IQSEC1: variants seen among roughly 807,000 people sequenced by gnomAD.
IQSEC1 encodes the protein IQ motif and SEC7 domain-containing protein 1.
IQSEC1 carries 31 observed loss-of-function variants against 91.0 expected under a neutral mutation model. That is an observed-to-expected ratio of 0.34 (90% CI 0.26 to 0.46). The LOEUF (loss-of-function observed/expected upper bound fraction) is 0.46. IQSEC1 is among the 20% of genes least tolerant of loss of function. The pLI is 1.00. For missense variants in IQSEC1, 1,388 were observed against 1,575.6 expected (o/e 0.88, Z 2.02); for synonymous variants, 699 against 662.6 (o/e 1.05, Z -0.84).
chr3:13,268,763 G>A (rs1056239250), intron 1 of IQSEC1, among the ~76,000 whole-genome samples: 13 of 152,182 alleles, frequency 8.5e-5, no homozygotes, highest in Admixed American at 1.3e-4. Context: ...TGTAACAATC[G>A]TCGATTCATT....
At chr3:13,177,260 G>A (rs921365969) in intron 1 of IQSEC1, among the ~76,000 whole-genome samples, 2 of 152,224 alleles carry the variant, frequency 1.3e-5, no homozygotes, top group African/African-American at 2.4e-5. Flanking sequence ...CCCTGACAAG[G>A]AAGGAGCTCT....
chr3:13,160,279 G>A (rs867230228), intron 2 of IQSEC1, among the ~76,000 whole-genome samples: 3 of 152,120 alleles, frequency 2.0e-5, no homozygotes, highest in Admixed American at 1.3e-4. Context: ...TTGGGGCAGG[G>A]CAAGAGCTGG....
At chr3:12,958,556 G>A (rs868361668) in intron 1 of IQSEC1, among the ~76,000 whole-genome samples, 1 of 152,244 alleles carries the variant, frequency 6.6e-6, no homozygotes, top group Non-Finnish European at 1.5e-5. Flanking sequence ...CACGATTTAA[G>A]ACTGTTATCA....
chr3:13,179,626 C>G (rs1367082106), intron 1 of IQSEC1, among the ~76,000 whole-genome samples: 1 of 152,278 alleles, frequency 6.6e-6, no homozygotes, highest in African/African-American at 2.4e-5. Flanking sequence ...CTCTCGGCGC[C>G]TCCTCTGCCT....
At chr3:13,085,283 A>T (rs1705716587) in intron 2 of IQSEC1, among the ~76,000 whole-genome samples, 1 of 152,070 alleles carries the variant, frequency 6.6e-6, no homozygotes, top group South Asian at 2.1e-4. Flanking sequence ...AGCAAGGGTG[A>T]TGTTAGGAGG....
chr3:13,056,955 C>T (rs1388528130), intron 1 of IQSEC1, among the ~76,000 whole-genome samples: 2 of 152,198 alleles, frequency 1.3e-5, no homozygotes, highest in South Asian at 2.1e-4. Context: ...ATACCTGTAA[C>T]GCATACATGT....
At chr3:12,930,692 G>A (rs1697592556) in intron 3 of IQSEC1, among the ~76,000 whole-genome samples, 1 of 152,190 alleles carries the variant, frequency 6.6e-6, no homozygotes, top group Non-Finnish European at 1.5e-5. Context: ...GGACTTTTCA[G>A]GTCCGTGAAC....
At chr3:13,011,740 C>T (rs750963594) in intron 1 of IQSEC1, among the ~76,000 whole-genome samples, 11 of 152,210 alleles carry the variant, frequency 7.2e-5, no homozygotes, top group Non-Finnish European at 1.5e-4. Flanking sequence ...CTGTAGGCAT[C>T]GGGTTTCAGA....
chr3:13,115,168 T>C (rs1706314975), intron 2 of IQSEC1, among the ~76,000 whole-genome samples: 1 of 152,166 alleles, frequency 6.6e-6, no homozygotes, highest in African/African-American at 2.4e-5. Context: ...GAGTGAGCAA[T>C]GTAACGCCCA....
intron 1 of IQSEC1, among the ~76,000 whole-genome samples, chr3:13,005,422 C>A (rs1054050878): frequency 3.3e-5 from 5 of 152,210 alleles, no homozygotes; most frequent in African/African-American, 9.6e-5. Context: ...CTGCCCCCAG[C>A]AGACCAGCAG....
intron 2 of IQSEC1, among the ~76,000 whole-genome samples, chr3:13,102,361 G>T (rs1706080212): frequency 6.6e-6 from 1 of 152,148 alleles, no homozygotes; most frequent in Non-Finnish European, 1.5e-5. Context: ...ACTGGGATGG[G>T]CTGGGGAGCG....
intron 1 of IQSEC1, among the ~76,000 whole-genome samples, chr3:13,276,077 A>ATTT (rs1406168404): frequency 2.4e-3 from 203 of 85,400 alleles, no homozygotes; most frequent in East Asian, 5.3e-3. Context: ...CCTCAAAAGC[A>ATTT]TTCTTTTTTT....
intron 2 of IQSEC1, among the ~76,000 whole-genome samples, chr3:13,130,322 C>G (rs1211698241): frequency 8.0e-6 from 1 of 124,918 alleles, no homozygotes; most frequent in African/African-American, 3.2e-5. Flanking sequence ...GCAGCCTGGG[C>G]GACAGAACGA....
intron 1 of IQSEC1, among the ~76,000 whole-genome samples, chr3:13,280,306 G>A (rs1046126890): frequency 2.0e-5 from 3 of 152,184 alleles, no homozygotes; most frequent in African/African-American, 2.4e-5. Flanking sequence ...CATACAGCAG[G>A]TGCTTAATAA....
intron 2 of IQSEC1, among the ~76,000 whole-genome samples, chr3:13,151,927 CTG>C (rs1193102762): frequency 9.2e-5 from 14 of 152,276 alleles, no homozygotes; most frequent in African/African-American, 3.4e-4. Context: ...GATCGAGTCA[CTG>C]TACTCCAGGC....
At chr3:13,218,457 A>T (rs1694590986) in intron 1 of IQSEC1, among the ~76,000 whole-genome samples, 1 of 152,240 alleles carries the variant, frequency 6.6e-6, no homozygotes, top group Non-Finnish European at 1.5e-5. Context: ...CGAACCATTC[A>T]AAAGGTGCTG....
At chr3:12,972,762 C>CACAATACAGCACCCAGCCTGG (rs1170316580) in intron 1 of IQSEC1, among the ~76,000 whole-genome samples, 1 of 152,168 alleles carries the variant, frequency 6.6e-6, no homozygotes, top group African/African-American at 2.4e-5. Flanking sequence ...CACTGGCCAC[C>CACAATACAGCACCCAGCCTGG]ACAATACAGC....
At chr3:13,095,228 G>A (rs1325528742) in intron 2 of IQSEC1, among the ~76,000 whole-genome samples, 4 of 151,966 alleles carry the variant, frequency 2.6e-5, no homozygotes, top group Admixed American at 1.3e-4. Flanking sequence ...GGTCCCCGTC[G>A]TTCCTGAAGG....
chr3:13,173,985 C>T (rs1179674229), intron 1 of IQSEC1, among the ~76,000 whole-genome samples: 1 of 152,164 alleles, frequency 6.6e-6, no homozygotes, highest in Non-Finnish European at 1.5e-5. Context: ...GGATTCCTCG[C>T]TATGGAGTCT....
Sources: allele counts gnomAD v4.1 joint callset (sites outside exome capture counted in the v4.1 genomes callset), GRCh38; gene constraint gnomAD v4.1.1; transcripts MANE v1.5; gene names NCBI Gene and HGNC (gene_info 2026-07-23, HGNC 2026-07-21).